Variants in KLHL14 observed in about 807,000 individuals in gnomAD.
KLHL14 encodes the protein kelch-like protein 14.
In KLHL14, 22 loss-of-function variants were observed where a neutral mutation model predicts 64.3. That is an observed-to-expected ratio of 0.34 (90% CI 0.24 to 0.49). The LOEUF is 0.49. Among genes scored for constraint, KLHL14 ranks in the 20% least tolerant of loss-of-function variants. The pLI is 0.99. For synonymous variants in KLHL14, 322 were observed against 333.4 expected, an observed-to-expected ratio of 0.97 and a Z score of 0.37; for missense variants, 661 against 789.0, an observed-to-expected ratio of 0.84 and a Z score of 1.94.
At chr18:32,686,388 T>G (rs549941315) in intron 5 of KLHL14, among the ~76,000 whole-genome samples, 1 of 152,218 alleles carries the variant, frequency 6.6e-6, no homozygotes, top group South Asian at 2.1e-4. Context: ...AAGAACCAAG[T>G]GTTCAAAATC....
chr18:32,686,177 ATTTTTTTT>A (rs148393455), intron 5 of KLHL14, among the ~76,000 whole-genome samples: 4,821 of 107,806 alleles, frequency 0.045, 196 homozygotes, highest in African/African-American at 0.14. Context: ...GTGCCCGGCT[ATTTTTTTT>A]TTTTTTTTTT....
chr18:32,741,896 T>C (rs374794838), intron 3 of KLHL14, 32 bp downstream of exon 3: 9 of 1,528,346 alleles, frequency 5.9e-6, no homozygotes, highest in Non-Finnish European at 8.8e-7. Context: ...AATAAATAGG[T>C]GAGTGAATAA....
At chr18:32,704,764 C>CA (rs1393962974) in intron 3 of KLHL14, among the ~76,000 whole-genome samples, 2 of 152,034 alleles carry the variant, frequency 1.3e-5, no homozygotes, top group Non-Finnish European at 2.9e-5. Flanking sequence ...TCATTTCATT[C>CA]AAAAATATGT....
chr18:32,712,432 G>T (rs756110505), intron 3 of KLHL14, among the ~76,000 whole-genome samples: 20 of 152,090 alleles, frequency 1.3e-4, no homozygotes, highest in Non-Finnish European at 2.5e-4. Context: ...TTGTTAGCCT[G>T]GATGGACCTT....
intron 3 of KLHL14, among the ~76,000 whole-genome samples, chr18:32,728,132 T>C (rs1471293356): frequency 4.6e-5 from 7 of 152,214 alleles, no homozygotes; most frequent in African/African-American, 1.7e-4. Context: ...GATGCTGGTA[T>C]ATTCTATTTG....
chr18:32,716,082 T>A (rs2050043787), intron 3 of KLHL14, among the ~76,000 whole-genome samples: 1 of 152,204 alleles, frequency 6.6e-6, no homozygotes, highest in African/African-American at 2.4e-5. Flanking sequence ...TTAGAAGTCA[T>A]TTTATGGGAA....
At chr18:32,710,943 A>T (rs1221260851) in intron 3 of KLHL14, among the ~76,000 whole-genome samples, 1 of 152,146 alleles carries the variant, frequency 6.6e-6, no homozygotes, top group Admixed American at 6.5e-5. Flanking sequence ...AAGAGCCAAG[A>T]TGGTGGAGGT....
chr18:32,709,626 T>C (rs193299215), intron 3 of KLHL14, among the ~76,000 whole-genome samples: 110 of 152,180 alleles, frequency 7.2e-4, no homozygotes, highest in African/African-American at 2.3e-3. Context: ...TTTTTAAATA[T>C]TTTGTAGGGA....
intron 3 of KLHL14, among the ~76,000 whole-genome samples, chr18:32,702,616 A>G (rs1439116856): frequency 6.6e-6 from 1 of 152,084 alleles, no homozygotes; most frequent in Non-Finnish European, 1.5e-5. Flanking sequence ...AAGCTCTGCT[A>G]CTTTTTTTCT....
intron 3 of KLHL14, among the ~76,000 whole-genome samples, chr18:32,703,624 C>T (rs1336415565): frequency 6.6e-6 from 1 of 152,298 alleles, no homozygotes; most frequent in African/African-American, 2.4e-5. Flanking sequence ...GAACACTTAA[C>T]TTGGGGAAGT....
At chr18:32,766,736 A>G (rs1240429745) in intron 2 of KLHL14, among the ~76,000 whole-genome samples, 1 of 152,120 alleles carries the variant, frequency 6.6e-6, no homozygotes, top group African/African-American at 2.4e-5. Flanking sequence ...ATATGAATTT[A>G]AGTGCAACTG....
intron 3 of KLHL14, among the ~76,000 whole-genome samples, chr18:32,741,641 TG>T (rs1568079925): frequency 6.6e-6 from 1 of 152,268 alleles, no homozygotes; most frequent in African/African-American, 2.4e-5. Context: ...AGAAGAATTT[TG>T]GGGGGAAGAT....
chr18:32,705,022 C>T (rs1425372753), intron 3 of KLHL14, among the ~76,000 whole-genome samples: 1 of 152,202 alleles, frequency 6.6e-6, no homozygotes, highest in Non-Finnish European at 1.5e-5. Flanking sequence ...TTTTTCCAGG[C>T]TGTTGCAGCA....
intron 3 of KLHL14, among the ~76,000 whole-genome samples, chr18:32,721,988 G>A (rs2144510984): frequency 6.6e-6 from 1 of 152,126 alleles, no homozygotes; most frequent in South Asian, 2.1e-4. Context: ...GAGGTAATTG[G>A]ATCATGGGGG....
intron 2 of KLHL14, among the ~76,000 whole-genome samples, chr18:32,766,233 T>C (rs2050343331): frequency 1.3e-5 from 2 of 152,096 alleles, no homozygotes; most frequent in Admixed American, 1.3e-4. Context: ...TCTAATCCAA[T>C]TTGATTTATT....
At chr18:32,707,273 C>T (rs1286167012) in intron 3 of KLHL14, among the ~76,000 whole-genome samples, 1 of 152,218 alleles carries the variant, frequency 6.6e-6, no homozygotes, top group East Asian at 1.9e-4. Flanking sequence ...AGCTTTTCTT[C>T]GTTTGCCCCA....
At chr18:32,714,607 T>C (rs16963733) in intron 3 of KLHL14, among the ~76,000 whole-genome samples, 6,883 of 152,222 alleles carry the variant, frequency 0.045, 537 homozygotes, top group African/African-American at 0.16. Context: ...TACTTCAGCG[T>C]TTCTCAGCCT....
At chr18:32,766,155 A>G (rs13381011) in intron 2 of KLHL14, among the ~76,000 whole-genome samples, 6,445 of 152,116 alleles carry the variant, frequency 0.042, 203 homozygotes, top group South Asian at 0.067. Context: ...ATAAGCATTT[A>G]TTCGTTATAT....
chr18:32,730,686 T>A (rs1598567332), intron 3 of KLHL14, among the ~76,000 whole-genome samples: 1 of 152,186 alleles, frequency 6.6e-6, no homozygotes, highest in Non-Finnish European at 1.5e-5. Flanking sequence ...TAAAAACATA[T>A]AATGAAAGTG....
Sources: allele counts gnomAD v4.1 joint callset (sites outside exome capture counted in the v4.1 genomes callset), GRCh38; gene constraint gnomAD v4.1.1; transcripts MANE v1.5; gene names NCBI Gene and HGNC (gene_info 2026-07-23, HGNC 2026-07-21).